The following GALNT17 variants were observed in gnomAD, a reference collection of about 807,000 sequenced individuals.
GALNT17 encodes UDP-GalNAc:polypeptide N-acetylgalactosaminyltransferase-like 3.
GALNT17 carries 29 observed loss-of-function variants against 63.7 expected under a neutral mutation model. That is an observed-to-expected ratio of 0.46 (90% CI 0.34 to 0.62). The LOEUF is 0.62. Ranked by LOEUF, GALNT17 falls within the 20% of genes least tolerant of loss-of-function variation. GALNT17 has a pLI of 0.01. For missense variants in GALNT17, 603 were observed against 799.6 expected (o/e 0.75, Z 2.97); for synonymous variants, 305 against 318.3 (o/e 0.96, Z 0.45).
At chr7:71,305,791 G>A (rs770899162) in intron 1 of GALNT17, among the ~76,000 whole-genome samples, 1 of 152,104 alleles carries the variant, frequency 6.6e-6, no homozygotes, top group Non-Finnish European at 1.5e-5. Context: ...CTAACTCCAC[G>A]GACTGGCCTT....
At chr7:71,435,562 G>A (rs1048058105) in intron 5 of GALNT17, among the ~76,000 whole-genome samples, 2 of 152,130 alleles carry the variant, frequency 1.3e-5, no homozygotes, top group Non-Finnish European at 2.9e-5. Context: ...TGGATCAGCT[G>A]GTGCCACCCA....
intron 5 of GALNT17, among the ~76,000 whole-genome samples, chr7:71,531,188 A>G (rs2116780079): frequency 6.6e-6 from 1 of 152,316 alleles, no homozygotes; most frequent in South Asian, 2.1e-4. Flanking sequence ...CACAAAACTA[A>G]CACCACAATC....
At chr7:71,233,911 G>A (rs946228781) in intron 1 of GALNT17, among the ~76,000 whole-genome samples, 2 of 152,148 alleles carry the variant, frequency 1.3e-5, no homozygotes, top group Non-Finnish European at 2.9e-5. Flanking sequence ...GGGGAAGCAG[G>A]CACGTCTCAC....
chr7:71,268,549 CAATAAATAAATAAATAAATA>C (rs3061640), intron 1 of GALNT17, among the ~76,000 whole-genome samples: 18 of 135,316 alleles, frequency 1.3e-4, no homozygotes, highest in East Asian at 6.7e-4. Flanking sequence ...AGATCCATCT[CAATAAATAAATAAATAAATA>C]AATAAATAAA....
chr7:71,416,360 C>T (rs1381311628), intron 4 of GALNT17, among the ~76,000 whole-genome samples: 1 of 152,104 alleles, frequency 6.6e-6, no homozygotes, highest in Admixed American at 6.6e-5. Flanking sequence ...GCCTGTAATC[C>T]CTACACTTTA....
intron 6 of GALNT17, among the ~76,000 whole-genome samples, chr7:71,598,951 TGG>T (rs1364697454): frequency 6.6e-6 from 1 of 151,654 alleles, no homozygotes; most frequent in Non-Finnish European, 1.5e-5. Flanking sequence ...GGCTTGAAAG[TGG>T]AAGAAGATAG....
intron 1 of GALNT17, among the ~76,000 whole-genome samples, chr7:71,155,680 A>T (rs1252526480): frequency 6.6e-6 from 1 of 151,474 alleles, no homozygotes; most frequent in Non-Finnish European, 1.5e-5. Context: ...GAGACTACTG[A>T]TTTTCTACTT....
At chr7:71,555,785 A>G (rs527759949) in intron 5 of GALNT17, among the ~76,000 whole-genome samples, 2 of 152,342 alleles carry the variant, frequency 1.3e-5, no homozygotes, top group African/African-American at 4.8e-5. Flanking sequence ...CGGCTTTGTC[A>G]CAACCGCCAT....
At chr7:71,483,110 A>G (rs1050160487) in intron 5 of GALNT17, among the ~76,000 whole-genome samples, 1 of 152,162 alleles carries the variant, frequency 6.6e-6, no homozygotes, top group East Asian at 1.9e-4. Flanking sequence ...AAGACTAATC[A>G]TGCACCTGTC....
At chr7:71,684,722 G>A (rs1378624174) in intron 9 of GALNT17, among the ~76,000 whole-genome samples, 1 of 152,110 alleles carries the variant, frequency 6.6e-6, no homozygotes, top group Non-Finnish European at 1.5e-5. Context: ...GAGTACAGTG[G>A]TGCAATCATA....
intron 5 of GALNT17, among the ~76,000 whole-genome samples, chr7:71,501,695 C>G (rs769523716): frequency 3.3e-5 from 5 of 152,040 alleles, no homozygotes; most frequent in Non-Finnish European, 7.4e-5. Flanking sequence ...TGATCAACAC[C>G]CCAAGCAGCC....
intron 1 of GALNT17, among the ~76,000 whole-genome samples, chr7:71,286,717 A>G (rs186855711): frequency 3.4e-4 from 52 of 151,134 alleles, no homozygotes; most frequent in African/African-American, 1.2e-3. Flanking sequence ...TCATTTGTAA[A>G]GGAGGGATTA....
chr7:71,133,978 G>A lies in GALNT17; in HGVS notation c.238+938G>A, dbSNP rs150756081. ...CGAACTGCAGATAATCACGAAGATC[G>A]TGATAATAATAACTGATGGAATTCT... is the stretch of plus-strand genomic sequence containing the variant. On this transcript the variant is annotated intron_variant, in intron 1 of 10. Transcript: ENST00000333538. Among the ~76,000 whole-genome samples, 57 of 152,288 alleles carry A rather than the reference G, an allele frequency of 3.7e-4. 1 individual carries two copies. In the East Asian group the frequency reaches 0.01, roughly 27 times the overall value.
chr7:71,308,432 T>C (rs540866710), intron 1 of GALNT17, among the ~76,000 whole-genome samples: 1 of 152,296 alleles, frequency 6.6e-6, no homozygotes, highest in Non-Finnish European at 1.5e-5. Flanking sequence ...AGGATCACTA[T>C]GTGTTTCTCA....
chr7:71,587,140 GCCTCAGCCTTCTGAGTA>G (rs1226037019), intron 6 of GALNT17, among the ~76,000 whole-genome samples: 2 of 152,094 alleles, frequency 1.3e-5, no homozygotes, highest in Non-Finnish European at 2.9e-5. Context: ...CGATTCTCCT[GCCTCAGCCTTCTGAGTA>G]GCTGAGACTA....
At chr7:71,451,305 G>A (rs11974441) in intron 5 of GALNT17, among the ~76,000 whole-genome samples, 2,849 of 152,130 alleles carry the variant, frequency 0.019, 39 homozygotes, top group African/African-American at 0.029. Flanking sequence ...AGTCATTCTC[G>A]ACAGCCTTTC....
chr7:71,575,873 C>G (rs769670040), intron 6 of GALNT17, among the ~76,000 whole-genome samples: 5 of 152,088 alleles, frequency 3.3e-5, no homozygotes, highest in Non-Finnish European at 7.3e-5. Context: ...TGAAAGGCAA[C>G]TTGCCTGTGA....
At chr7:71,311,538 C>T (rs1791414181) in intron 1 of GALNT17, among the ~76,000 whole-genome samples, 1 of 152,052 alleles carries the variant, frequency 6.6e-6, no homozygotes, top group African/African-American at 2.4e-5. Flanking sequence ...TTTAAAAAAA[C>T]CTAAGGCCTG....
intron 2 of GALNT17, among the ~76,000 whole-genome samples, chr7:71,337,843 G>A (rs1247512577): frequency 9.2e-5 from 14 of 151,954 alleles, no homozygotes; most frequent in Admixed American, 9.2e-4. Context: ...ACTCCAGCCT[G>A]GGTGACAGAG....
Sources: allele counts gnomAD v4.1 joint callset (sites outside exome capture counted in the v4.1 genomes callset), GRCh38; gene constraint gnomAD v4.1.1; transcripts MANE v1.5; gene names NCBI Gene and HGNC (gene_info 2026-07-23, HGNC 2026-07-21).